KCNB2: variants seen among roughly 807,000 people sequenced by gnomAD.
KCNB2 encodes delayed rectifier potassium channel protein.
Under a neutral mutation model 61.5 loss-of-function variants are expected in KCNB2, and 15 were observed. The ratio of observed to expected loss-of-function variants is 0.24; its 90% CI spans 0.16 to 0.38. KCNB2 has a LOEUF of 0.38. KCNB2 is among the 10% of genes least tolerant of loss of function. The pLI, the probability that KCNB2 is intolerant of heterozygous loss-of-function variation, is 1.00. For missense variants in KCNB2, 828 were observed against 1,125.2 expected (o/e 0.74, Z 3.78); for synonymous variants, 457 against 446.0 (o/e 1.02, Z -0.31).
intron 2 of KCNB2, among the ~76,000 whole-genome samples, chr8:72,777,061 T>A (rs1808668797): frequency 6.6e-6 from 1 of 152,244 alleles, no homozygotes; most frequent in South Asian, 2.1e-4. Flanking sequence ...GATGAATTTC[T>A]TTATTTAATT....
chr8:72,543,490 A>G (rs1344172723), intron 1 of KCNB2, among the ~76,000 whole-genome samples: 2 of 152,238 alleles, frequency 1.3e-5, no homozygotes, highest in East Asian at 3.8e-4. Context: ...TGAGTGTGAC[A>G]GCAGCAATTG....
intron 2 of KCNB2, among the ~76,000 whole-genome samples, chr8:72,901,333 A>C (rs907444538): frequency 6.6e-6 from 1 of 152,228 alleles, no homozygotes; most frequent in African/African-American, 2.4e-5. Context: ...GCAGGGTTTC[A>C]AATAAAGAGA....
At chr8:72,619,816 A>T (rs1011209092) in intron 2 of KCNB2, among the ~76,000 whole-genome samples, 1 of 152,202 alleles carries the variant, frequency 6.6e-6, no homozygotes, top group Admixed American at 6.5e-5. Flanking sequence ...AACAGTAAAA[A>T]GTTTCAGAAC....
intron 2 of KCNB2, among the ~76,000 whole-genome samples, chr8:72,821,659 A>AAAAAAAAAAAACAAC (rs1554535735): frequency 8.5e-6 from 1 of 117,006 alleles, no homozygotes; most frequent in Non-Finnish European, 1.7e-5. Context: ...AAAAAAAAAA[A>AAAAAAAAAAAACAAC]ACACACACAC....
intron 2 of KCNB2, among the ~76,000 whole-genome samples, chr8:72,764,171 G>C (rs780160312): frequency 6.6e-6 from 1 of 152,188 alleles, no homozygotes; most frequent in Non-Finnish European, 1.5e-5. Flanking sequence ...TGCCCTGAGA[G>C]TTGGCAGAGC....
chr8:72,687,536 G>GTTCT (rs907881903), intron 2 of KCNB2, among the ~76,000 whole-genome samples: 10 of 152,100 alleles, frequency 6.6e-5, no homozygotes, highest in African/African-American at 2.4e-4. Context: ...GGGTCACAAC[G>GTTCT]ATGGAACTCA....
intron 2 of KCNB2, among the ~76,000 whole-genome samples, chr8:72,833,718 T>TA (rs1481519230): frequency 6.6e-6 from 1 of 152,170 alleles, no homozygotes; most frequent in Non-Finnish European, 1.5e-5. Context: ...GTACAGATGT[T>TA]ACAGTTGCAG....
chr8:72,716,343 G>A (rs922832330), intron 2 of KCNB2, among the ~76,000 whole-genome samples: 1 of 152,066 alleles, frequency 6.6e-6, no homozygotes, highest in African/African-American at 2.4e-5. Context: ...ACCAAAGCCT[G>A]GCAGAGACAC....
intron 2 of KCNB2, among the ~76,000 whole-genome samples, chr8:72,595,807 C>T (rs1175596734): frequency 2.6e-5 from 4 of 152,130 alleles, no homozygotes; most frequent in African/African-American, 7.2e-5. Flanking sequence ...TTGGTGAGCT[C>T]GTGGACCAAA....
intron 2 of KCNB2, among the ~76,000 whole-genome samples, chr8:72,712,810 G>A (rs1807347529): frequency 6.6e-6 from 1 of 152,162 alleles, no homozygotes; most frequent in Non-Finnish European, 1.5e-5. Flanking sequence ...GCTGGGCAGT[G>A]GGTTCAGGAC....
chr8:72,695,631 C>A (rs1807006332), intron 2 of KCNB2, among the ~76,000 whole-genome samples: 1 of 152,176 alleles, frequency 6.6e-6, no homozygotes, highest in Non-Finnish European at 1.5e-5. Context: ...GAAGAGGTTT[C>A]TTTAAACGAT....
intron 2 of KCNB2, among the ~76,000 whole-genome samples, chr8:72,638,679 A>G (rs1047428747): frequency 1.2e-4 from 18 of 152,166 alleles, no homozygotes; most frequent in African/African-American, 4.3e-4. Flanking sequence ...ATCCAGTCTC[A>G]ATCAAGTCCT....
chr8:72,630,966 T>A lies in KCNB2; in HGVS notation c.579+62653T>A, dbSNP rs1805869155. Among the ~76,000 whole-genome samples, 3 of 152,192 alleles carry A rather than the reference T, an allele frequency of 2.0e-5. 1 individual carries two copies. The South Asian group carries it at 6.2e-4, about 32-fold the overall frequency. ...ACGTTCCAAGCCCCCCATGGATGCC[T>A]GAAACTATAGATAGTACTGAACCCT... On this transcript the variant is annotated intron_variant, in intron 2 of 2. Coordinates refer to ENST00000523207, the MANE Select transcript of KCNB2 (RefSeq NM_004770.3).
chr8:72,605,141 T>C (rs1805424213), intron 2 of KCNB2, among the ~76,000 whole-genome samples: 1 of 152,224 alleles, frequency 6.6e-6, no homozygotes, highest in South Asian at 2.1e-4. Flanking sequence ...TGAAGTTAAT[T>C]AATAGAAGTA....
intron 2 of KCNB2, among the ~76,000 whole-genome samples, chr8:72,767,664 A>G (rs761654005): frequency 1.2e-4 from 19 of 152,238 alleles, no homozygotes; most frequent in Non-Finnish European, 8.8e-5. Flanking sequence ...CATTGAGGCT[A>G]TTATGAATAA....
chr8:72,851,826 G>A (rs1406240474), intron 2 of KCNB2, among the ~76,000 whole-genome samples: 21 of 43,860 alleles, frequency 4.8e-4, no homozygotes, highest in Admixed American at 8.4e-4. Flanking sequence ...GAAGCTGTAG[G>A]AAAAAAAAAA....
At chr8:72,724,823 T>C (rs530001423) in intron 2 of KCNB2, among the ~76,000 whole-genome samples, 9 of 152,280 alleles carry the variant, frequency 5.9e-5, no homozygotes, top group African/African-American at 2.2e-4. Flanking sequence ...GGATCTAGCA[T>C]AATACCTAAC....
intron 2 of KCNB2, among the ~76,000 whole-genome samples, chr8:72,617,052 C>G (rs1055642081): frequency 2.0e-5 from 3 of 152,170 alleles, no homozygotes; most frequent in Admixed American, 1.3e-4. Flanking sequence ...CAAGCCAGTT[C>G]CAAGTAGCAG....
intron 2 of KCNB2, among the ~76,000 whole-genome samples, chr8:72,914,330 G>GA (rs1806353682): frequency 6.6e-6 from 1 of 152,186 alleles, no homozygotes; most frequent in Non-Finnish European, 1.5e-5. Context: ...GAGGATGAAG[G>GA]AAAATGAAAT....
Sources: allele counts gnomAD v4.1 joint callset (sites outside exome capture counted in the v4.1 genomes callset), GRCh38; gene constraint gnomAD v4.1.1; transcripts MANE v1.5; gene names NCBI Gene and HGNC (gene_info 2026-07-23, HGNC 2026-07-21).